The following CAMK4 variants were observed in gnomAD, a reference collection of about 807,000 sequenced individuals.
The protein encoded by CAMK4 is calcium/calmodulin dependent protein kinase IV.
CAMK4 carries 22 observed loss-of-function variants against 44.9 expected under a neutral mutation model. That is an observed-to-expected ratio of 0.49 (90% confidence interval 0.35 to 0.70). The LOEUF is 0.70. CAMK4 is among the 30% of genes least tolerant of loss of function. The pLI is 0.01. For synonymous variants in CAMK4, 218 were observed against 215.4 expected, an observed-to-expected ratio of 1.01 and a Z score of -0.11; for missense variants, 498 against 586.8, an observed-to-expected ratio of 0.85 and a Z score of 1.56.
chr5:111,402,279 A>T (rs1306700844), intron 5 of CAMK4, among the ~76,000 whole-genome samples: 2 of 152,258 alleles, frequency 1.3e-5, no homozygotes, highest in African/African-American at 4.8e-5. Context: ...AATGGGTTTT[A>T]GGTTTGGAGA....
At chr5:111,310,279 G>C (rs963656189) in intron 1 of CAMK4, among the ~76,000 whole-genome samples, 1 of 152,132 alleles carries the variant, frequency 6.6e-6, no homozygotes, top group African/African-American at 2.4e-5. Context: ...GTGTTTAGTA[G>C]CTTCTTTGGA....
At chr5:111,406,544 C>T (rs1752439055) in intron 5 of CAMK4, among the ~76,000 whole-genome samples, 1 of 151,620 alleles carries the variant, frequency 6.6e-6, no homozygotes, top group Admixed American at 6.6e-5. Context: ...TTTTTACGCT[C>T]TTCTTTTTCC....
rs577923463 is a variant in CAMK4 at position 111,308,575 on chromosome 5, TCAATC to T, written c.162-35445_162-35441del. Among the ~76,000 whole-genome samples, 52 of 152,300 alleles carry T rather than the reference TCAATC, an allele frequency of 3.4e-4. No individual in the cohort carries two copies. The South Asian group carries it at 0.01, about 30-fold the overall frequency. On this transcript the variant is annotated intron_variant, in intron 1 of 10. Transcript: ENST00000282356. Reference sequence around the variant, plus strand: ...TTTTGGGAGCAATCCTTTTTGGAGATCAATCCAAAATGACAGCTAAGCATCTCTGG... The same window carrying T: ...TTTTGGGAGCAATCCTTTTTGGAGATCAAAATGACAGCTAAGCATCTCTGG...
intron 8 of CAMK4, among the ~76,000 whole-genome samples, chr5:111,476,225 C>T (rs914705809): frequency 2.8e-4 from 41 of 148,462 alleles, no homozygotes; most frequent in African/African-American, 1.0e-3. Context: ...ATTTTAACTT[C>T]ACTCTTTGCT....
At chr5:111,296,533 T>G (rs2112636389) in intron 1 of CAMK4, among the ~76,000 whole-genome samples, 1 of 152,368 alleles carries the variant, frequency 6.6e-6, no homozygotes, top group African/African-American at 2.4e-5. Flanking sequence ...AATTTGCATT[T>G]GCATTCTATG....
At chr5:111,334,005 C>G (rs192126193) in intron 1 of CAMK4, among the ~76,000 whole-genome samples, 1 of 151,398 alleles carries the variant, frequency 6.6e-6, no homozygotes, top group East Asian at 2.0e-4. Context: ...GAGGTGCTTA[C>G]GCTTGCTTTC....
intron 5 of CAMK4, among the ~76,000 whole-genome samples, chr5:111,396,595 AAAG>A (rs947228645): frequency 1.3e-5 from 2 of 150,818 alleles, no homozygotes; most frequent in Admixed American, 6.6e-5. Flanking sequence ...TTTAAAAAAG[AAAG>A]AAGAAGCACT....
chr5:111,405,216 T>A (rs1422482701), intron 5 of CAMK4, among the ~76,000 whole-genome samples: 5 of 152,228 alleles, frequency 3.3e-5, no homozygotes, highest in Non-Finnish European at 5.9e-5. Context: ...ACGCCTGTAA[T>A]CCCAGCACTT....
intron 1 of CAMK4, among the ~76,000 whole-genome samples, chr5:111,336,899 G>T (rs188797919): frequency 6.6e-6 from 1 of 150,788 alleles, no homozygotes; most frequent in East Asian, 1.9e-4. Context: ...CCACATTTTG[G>T]TAATGTGGTT....
intron 4 of CAMK4, among the ~76,000 whole-genome samples, chr5:111,379,753 G>A (rs776832377): frequency 1.3e-5 from 2 of 151,978 alleles, no homozygotes; most frequent in Non-Finnish European, 2.9e-5. Flanking sequence ...TGAACTAGGG[G>A]AGTAATTGCT....
chr5:111,257,733 C>T (rs1749801939), intron 1 of CAMK4, among the ~76,000 whole-genome samples: 1 of 152,174 alleles, frequency 6.6e-6, no homozygotes, highest in Admixed American at 6.5e-5. Context: ...GTAGCAAAGA[C>T]ATGGAATCAA....
At chr5:111,333,297 C>G (rs765886837) in intron 1 of CAMK4, among the ~76,000 whole-genome samples, 1 of 151,492 alleles carries the variant, frequency 6.6e-6, no homozygotes, top group South Asian at 2.1e-4. Flanking sequence ...GTTCTGTGTG[C>G]TGCATGCATG....
intron 2 of CAMK4, among the ~76,000 whole-genome samples, chr5:111,355,486 T>TTTTTTTTATTTATTTATTTA (rs1750301349): frequency 6.8e-6 from 1 of 146,822 alleles, no homozygotes; most frequent in Non-Finnish European, 1.5e-5. Flanking sequence ...TCTGCATTCT[T>TTTTTTTTATTTATTTATTTA]TTTATTTATT....
intron 5 of CAMK4, among the ~76,000 whole-genome samples, chr5:111,417,648 G>A (rs1752864070): frequency 6.6e-6 from 1 of 152,138 alleles, no homozygotes. Context: ...CAGCCCCCAT[G>A]CCTGACCAAT....
At position 111,329,314 on chromosome 5, in the gene CAMK4, G is replaced by A. The variant is rs577396188; in HGVS notation, c.162-14710G>A. ...CTGTAAGCATTCCCTTTAAAAATGG[G>A]CACAAGACAGGGATGCCCTCTCTCA... On this transcript the variant is annotated intron_variant, in intron 1 of 10. Coordinates refer to ENST00000282356, the MANE Select transcript of CAMK4 (RefSeq NM_001744.6). Among the ~76,000 whole-genome samples the A allele has an allele frequency of 4.8e-4, 73 of 151,950 alleles. 3 individuals are homozygous for A. In the South Asian group the frequency reaches 0.015, roughly 30 times the overall value.
intron 1 of CAMK4, among the ~76,000 whole-genome samples, chr5:111,321,733 T>C (rs899175050): frequency 1.3e-5 from 2 of 152,200 alleles, no homozygotes; most frequent in African/African-American, 4.8e-5. Flanking sequence ...TGACATAGTA[T>C]AATTATATCT....
At chr5:111,358,572 T>C (rs1219269305) in intron 2 of CAMK4, among the ~76,000 whole-genome samples, 1 of 151,872 alleles carries the variant, frequency 6.6e-6, no homozygotes, top group Non-Finnish European at 1.5e-5. Flanking sequence ...TTTTTTTTTT[T>C]AACTTTTATT....
At chr5:111,226,709 A>G (rs1228915021) in intron 1 of CAMK4, among the ~76,000 whole-genome samples, 1 of 152,234 alleles carries the variant, frequency 6.6e-6, no homozygotes, top group Non-Finnish European at 1.5e-5. Flanking sequence ...GACAACAGAG[A>G]ACACTCTAGA....
Position 111,484,210 on chromosome 5 carries a change from G to C in CAMK4, c.1166G>C (p.Gly389Ala). ...GATGGGGCCCAAGCCGCAGTTAAGG[G>C]GGCACAGGCTGAGCTGATGAAGGTG... is the stretch of plus-strand genomic sequence containing the variant. ...QGDGAQAAVK[G>A]AQAELMKVQA... is the part of the protein sequence containing the mutation. The change falls in exon 11 of 11, where the codon GGG (glycine) becomes GCG (alanine). Residue 389 changes from glycine to alanine, a missense_variant. Physicochemically the swap from Gly to Ala is moderately conservative, Grantham distance 60. Transcript: ENST00000282356. This position sits in a 1 kb window ranked among gnomAD's most constrained non-coding sequence, Gnocchi z 5.3. 1 of 1,614,128 alleles carries C rather than the reference G, an allele frequency of 6.2e-7. No homozygotes were observed. The highest frequency in any genetic ancestry group is 1.1e-5 in the South Asian group (1 of 91,060).
Sources: gnomAD v4.1 joint callset for allele counts (sites outside exome capture counted in the v4.1 genomes callset) on GRCh38, gnomAD v4.1.1 for gene constraint, Gnocchi (gnomAD v3.1) non-coding constraint, MANE v1.5 for transcripts, NCBI Gene and HGNC (gene_info 2026-07-23, HGNC 2026-07-21) for gene names.